The following NFASC variants were observed in gnomAD, a reference collection of about 807,000 sequenced individuals.
NFASC encodes neurofascin.
NFASC carries 43 observed loss-of-function variants against 147.5 expected under a neutral mutation model. That is an observed-to-expected ratio of 0.29 (90% CI 0.23 to 0.38). The LOEUF is 0.38. Among genes scored for constraint, NFASC ranks in the 10% least tolerant of loss-of-function variants. The probability of loss-of-function intolerance (pLI) is 1.00; values close to 1 mark genes in which losing one functional copy is unlikely to be tolerated. For synonymous variants in NFASC, 622 were observed against 665.5 expected, an observed-to-expected ratio of 0.93 and a Z score of 1.01; for missense variants, 1,320 against 1,689.0, an observed-to-expected ratio of 0.78 and a Z score of 3.83.
At chr1:204,936,332 G>T (rs2092837996) in intron 2 of NFASC, among the ~76,000 whole-genome samples, 1 of 151,526 alleles carries the variant, frequency 6.6e-6, no homozygotes, top group Non-Finnish European at 1.5e-5. Flanking sequence ...CTCCCGAGTA[G>T]CTGGGATTAC....
intron 21 of NFASC, among the ~76,000 whole-genome samples, chr1:204,982,292 C>T (rs1482211940): frequency 1.3e-5 from 2 of 152,202 alleles, no homozygotes; most frequent in African/African-American, 2.4e-5. Flanking sequence ...AAGGGAAAAC[C>T]CTCGGCAGTG....
chr1:205,001,262 G>A lies in NFASC; in HGVS notation c.3112G>A (p.Asp1038Asn). Residue 1038 changes from aspartate to asparagine, a missense_variant, in exon 26 of 30, where the codon GAC becomes AAC. Around this residue, in one of 3 missense-constraint regions of NFASC, gnomAD observed 172 missense variants for 165.8 expected, o/e 1.04. Coordinates refer to ENST00000339876, the MANE Select transcript of NFASC (RefSeq NM_001005388.3). ...TWKHNFGPGT[D>N]FVVEYIDSNH... The stretch of plus-strand genomic sequence containing the variant: ...GAAGCACAATTTCGGGCCCGGAACT[G>A]ACTTTGTGGTTGAGTACATCGACAG... The A allele has an allele frequency of 1.2e-6, 2 of 1,611,878 alleles. No homozygotes were observed. The highest frequency in any genetic ancestry group is 8.5e-7 in the Non-Finnish European group (1 of 1,178,862).
chr1:204,924,071 G>A (rs948080318), intron 2 of NFASC, among the ~76,000 whole-genome samples: 6 of 152,234 alleles, frequency 3.9e-5, no homozygotes, highest in Admixed American at 2.6e-4. Flanking sequence ...TTTGGTATAA[G>A]CACTTGCAGC....
chr1:204,902,988 G>A (rs2084997631), intron 1 of NFASC, among the ~76,000 whole-genome samples: 1 of 152,180 alleles, frequency 6.6e-6, no homozygotes, highest in African/African-American at 2.4e-5. Flanking sequence ...TTCGACCAGA[G>A]TTCTGAGTTT....
In NFASC at chr1:204,869,461, C is replaced by A. The variant is rs563970838; in HGVS notation, c.-200+40679C>A. 1.6e-3 allele frequency among the ~76,000 whole-genome samples: 250 copies of A among 152,264 alleles called. 1 individual carries two copies. The highest frequency in any genetic ancestry group is 5.8e-3 in the African/African-American group (240 of 41,532). ...TCCTATATTTATAATCTGTTTTTTA[C>A]TCAATCTTCCATTTGATTAAAATAT... On this transcript the variant is annotated intron_variant, in intron 1 of 29. Transcript: ENST00000339876.
chr1:204,875,964 C>T (rs2078703912), intron 1 of NFASC, among the ~76,000 whole-genome samples: 1 of 152,122 alleles, frequency 6.6e-6, no homozygotes, highest in Non-Finnish European at 1.5e-5. Flanking sequence ...GGTCTGCAAC[C>T]CTCTTAGACT....
intron 2 of NFASC, among the ~76,000 whole-genome samples, chr1:204,940,651 A>T (rs897106412): frequency 3.9e-5 from 6 of 152,180 alleles, no homozygotes; most frequent in African/African-American, 1.2e-4. Flanking sequence ...CAGTGTATGT[A>T]TCTATTCTAC....
At chr1:204,922,987 C>T (rs146728217) in intron 2 of NFASC, among the ~76,000 whole-genome samples, 183 of 152,338 alleles carry the variant, frequency 1.2e-3, no homozygotes, top group African/African-American at 4.3e-3. Context: ...CCCATTATTA[C>T]CCGTGTTTTA....
intron 3 of NFASC, among the ~76,000 whole-genome samples, chr1:204,949,276 T>C (rs2093967786): frequency 6.6e-6 from 1 of 152,244 alleles, no homozygotes; most frequent in East Asian, 1.9e-4. Flanking sequence ...GCTGTGGCTC[T>C]TCCTGCACCT....
chr1:204,915,257 G>A (rs1337799321), intron 1 of NFASC, among the ~76,000 whole-genome samples: 4 of 152,082 alleles, frequency 2.6e-5, no homozygotes, highest in Admixed American at 6.5e-5. Context: ...CTCCAGCCTG[G>A]ACAACAGAGC....
intron 1 of NFASC, among the ~76,000 whole-genome samples, chr1:204,898,129 C>T (rs932096948): frequency 6.6e-6 from 1 of 152,168 alleles, no homozygotes; most frequent in Non-Finnish European, 1.5e-5. Flanking sequence ...GCAGTCTTCC[C>T]ACCTGAGTCA....
At chr1:204,846,572 C>A (rs1163325174) in intron 1 of NFASC, among the ~76,000 whole-genome samples, 1 of 152,036 alleles carries the variant, frequency 6.6e-6, no homozygotes, top group Non-Finnish European at 1.5e-5. Context: ...GATATCTAGC[C>A]TGAGGTAAGC....
intron 13 of NFASC, 43 bp downstream of exon 13, chr1:204,974,333 G>C (rs778764610): frequency 2.1e-6 from 3 of 1,454,792 alleles, no homozygotes; most frequent in Non-Finnish European, 1.9e-6. Context: ...GGGGTCACCT[G>C]TCTCATCTTC....
At chr1:204,908,431 A>G (rs1265158379) in intron 1 of NFASC, among the ~76,000 whole-genome samples, 1 of 152,218 alleles carries the variant, frequency 6.6e-6, no homozygotes, top group Non-Finnish European at 1.5e-5. Context: ...AAAGGAAGAT[A>G]TATTATGATT....
chr1:204,912,985 G>A (rs1175229168), intron 1 of NFASC, among the ~76,000 whole-genome samples: 3 of 152,002 alleles, frequency 2.0e-5, no homozygotes, highest in Admixed American at 2.0e-4. Context: ...TTGTGATCAT[G>A]CTACTGCACT....
intron 1 of NFASC, among the ~76,000 whole-genome samples, chr1:204,830,414 T>C (rs774851935): frequency 6.6e-6 from 1 of 152,156 alleles, no homozygotes; most frequent in Non-Finnish European, 1.5e-5. Flanking sequence ...ATCCTCCTTC[T>C]GGTTTGGGGA....
chr1:204,953,163 G>A (rs1220241503), intron 5 of NFASC, among the ~76,000 whole-genome samples: 1 of 152,226 alleles, frequency 6.6e-6, no homozygotes, highest in African/African-American at 2.4e-5. Flanking sequence ...TTAGATTGTG[G>A]GCATCTGAGG....
chr1:205,006,144 C>T (rs1251355929), intron 27 of NFASC, among the ~76,000 whole-genome samples: 2 of 152,200 alleles, frequency 1.3e-5, no homozygotes, highest in Non-Finnish European at 2.9e-5. Flanking sequence ...CACGGGCAAG[C>T]CAGTATCCAT....
chr1:204,839,296 G>A (rs761757551), intron 1 of NFASC, among the ~76,000 whole-genome samples: 44 of 151,758 alleles, frequency 2.9e-4, no homozygotes, highest in Non-Finnish European at 5.1e-4. Context: ...TCAGTACTGC[G>A]GGCATTGACA....
Sources: allele counts gnomAD v4.1 joint callset (sites outside exome capture counted in the v4.1 genomes callset), GRCh38; gene constraint gnomAD v4.1.1; regional missense constraint gnomAD v4.1.1; transcripts MANE v1.5; gene names NCBI Gene and HGNC (gene_info 2026-07-23, HGNC 2026-07-21).